Variants in ABHD18 observed in about 807,000 individuals in gnomAD.
ABHD18 encodes abhydrolase domain containing 18, also known as cardiolipin-specific deacylase, mitochondrial.
ABHD18 carries 55 observed loss-of-function variants against 65.9 expected under a neutral mutation model. That is an observed-to-expected ratio of 0.84 (90% CI 0.67 to 1.05). The LOEUF (loss-of-function observed/expected upper bound fraction) is 1.05, where lower values mean the gene tolerates loss of function less well. Among genes scored for constraint, ABHD18 ranks in the 50% least tolerant of loss-of-function variants. The probability of loss-of-function intolerance (pLI) is 0.00; values close to 1 mark genes in which losing one functional copy is unlikely to be tolerated. For synonymous variants in ABHD18, 181 were observed against 180.2 expected (o/e 1.00, Z -0.04); for missense variants, 533 against 558.5 (o/e 0.95, Z 0.46).
At position 128,030,631 on chromosome 4, in the gene ABHD18, G is replaced by A; in HGVS notation, c.1302G>A (p.Gly434=). ...GTTGTGAAATCCGATACTTAGAAGG[G>A]GGTCATATTAGTGCTTATCTTTTTA... The part of the protein sequence containing the change: ...WPGCEIRYLE[G]GHISAYLFKQ... The change falls in exon 12 of 13, where the codon GGG becomes GGA. Residue 434 remains glycine, a synonymous_variant. Coordinates refer to ENST00000645843, the MANE Select transcript of ABHD18 (RefSeq NM_001358451.3). 1.9e-6 allele frequency: 3 copies of A among 1,604,998 alleles called. No individual in the cohort carries two copies. The highest frequency in any genetic ancestry group is 2.5e-6 in the Non-Finnish European group (3 of 1,178,320).
At chr4:127,972,088 G>A in intron 1 of ABHD18, among the ~76,000 whole-genome samples, 1 of 152,092 alleles carries the variant, frequency 6.6e-6, no homozygotes, top group Non-Finnish European at 1.5e-5. Context: ...TATGATTATA[G>A]GTTATTATAA....
At chr4:127,966,575 C>T (rs1351571167) in intron 1 of ABHD18, among the ~76,000 whole-genome samples, 3 of 151,760 alleles carry the variant, frequency 2.0e-5, no homozygotes. Flanking sequence ...TTGAAACGTG[C>T]GGTCTGGGTG....
At chr4:127,974,137 A>T (rs964710301) in intron 1 of ABHD18, among the ~76,000 whole-genome samples, 1 of 143,982 alleles carries the variant, frequency 6.9e-6, no homozygotes, top group Non-Finnish European at 1.5e-5. Flanking sequence ...GCTTCCAACT[A>T]TTTAAATTAT....
In ABHD18 at chr4:127,973,580, T is replaced by A. The variant is rs116417901; in HGVS notation, c.-18+7974T>A. On this transcript the variant is annotated intron_variant, in intron 1 of 12. Transcript: ENST00000645843. The stretch of plus-strand genomic sequence containing the variant: ...TTTTGTGTGATCCCCTTCCTTGAGT[T>A]TGGGCAGAACCCATGATTTGCTTTC... Among the ~76,000 whole-genome samples the A allele has an allele frequency of 1.1e-3, 165 of 152,246 alleles. 1 individual carries two copies. Among genetic ancestry groups the A allele is most frequent in the African/African-American group, 3.9e-3 (161 of 41,544 alleles).
Position 128,039,485 on chromosome 4 carries a change from T to G in ABHD18, c.*3672T>G, listed in dbSNP as rs1457936576. On this transcript the variant is annotated 3_prime_UTR_variant, in exon 13 of 13. Coordinates refer to ENST00000645843, the MANE Select transcript of ABHD18 (RefSeq NM_001358451.3). ...TGAAGACCTCTAAGTTTGAGACCCC[T>G]GATTTAGATCTGTAATTAGAAAAAG... The G allele has an allele frequency of 6.6e-6, 1 of 152,104 alleles. No homozygotes were observed. The highest frequency in any genetic ancestry group is 1.5e-5 in the Non-Finnish European group (1 of 68,024). The allele number at this position is 152,104 out of a possible 1,614,324, so 9.4% of individuals were successfully genotyped here. A position where few individuals can be genotyped will look rare whatever the true frequency, so the allele number is the denominator to read the frequency against.
chr4:128,016,368 T>C (rs1332311565), intron 7 of ABHD18, among the ~76,000 whole-genome samples: 1 of 152,222 alleles, frequency 6.6e-6, no homozygotes, highest in Non-Finnish European at 1.5e-5. Flanking sequence ...TTTTATATTT[T>C]ATTATATTCA....
intron 3 of ABHD18, among the ~76,000 whole-genome samples, chr4:127,987,653 A>G (rs1278881007): frequency 6.6e-6 from 1 of 151,902 alleles, no homozygotes; most frequent in Non-Finnish European, 1.5e-5. Flanking sequence ...CAGAGGTTGC[A>G]GTGAGTCGAG....
intron 2 of ABHD18, among the ~76,000 whole-genome samples, chr4:127,983,890 T>C (rs1749498268): frequency 1.3e-5 from 2 of 151,694 alleles, no homozygotes; most frequent in South Asian, 4.2e-4. Context: ...AATACAAAAA[T>C]TAGCCAGGTG....
chr4:128,026,117 C>T (rs1001057371), intron 10 of ABHD18, among the ~76,000 whole-genome samples: 20 of 152,066 alleles, frequency 1.3e-4, no homozygotes, highest in Non-Finnish European at 2.2e-4. Context: ...GGTGAAACCC[C>T]GTCTCTACTT....
chr4:128,036,351 T>C lies in ABHD18; in HGVS notation c.*538T>C, dbSNP rs560107073. Reference sequence around the variant, plus strand: ...AGTGTTAACTTTGAATTCTAAAATATCCTGATAGCTTCATAGATAAGTGCT... The same window carrying C: ...AGTGTTAACTTTGAATTCTAAAATACCCTGATAGCTTCATAGATAAGTGCT... On this transcript the variant is annotated 3_prime_UTR_variant, in exon 13 of 13. Coordinates refer to ENST00000645843, the MANE Select transcript of ABHD18 (RefSeq NM_001358451.3). The C allele has an allele frequency of 1.3e-5, 2 of 152,238 alleles. No homozygotes were observed. The highest frequency in any genetic ancestry group is 4.8e-5 in the African/African-American group (2 of 41,464). The allele number at this position is 152,238 out of a possible 1,614,324, so 9.4% of individuals were successfully genotyped here.
At chr4:128,035,240 C>T (rs1758755357) in intron 12 of ABHD18, among the ~76,000 whole-genome samples, 1 of 151,988 alleles carries the variant, frequency 6.6e-6, no homozygotes, top group South Asian at 2.1e-4. Flanking sequence ...TTCTAAGGCA[C>T]AAAAAGTGCT....
At chr4:127,988,856 G>T (rs146944334) in intron 3 of ABHD18, among the ~76,000 whole-genome samples, 2 of 152,156 alleles carry the variant, frequency 1.3e-5, no homozygotes, top group Non-Finnish European at 1.5e-5. Flanking sequence ...CCACTGCGGA[G>T]AACAGTATGG....
chr4:127,980,604 A>C lies in ABHD18; in HGVS notation c.-17-2335A>C, dbSNP rs140988384. On this transcript the variant is annotated intron_variant, in intron 1 of 12. Coordinates refer to ENST00000645843, the MANE Select transcript of ABHD18 (RefSeq NM_001358451.3). ...TTTGAGAGGCCAAGGCGGACGGATA[A>C]CCTCAGGTCAGGAGTTCAAGACCAG... 2.7e-3 allele frequency among the ~76,000 whole-genome samples: 405 copies of C among 151,122 alleles called. 4 individuals are homozygous for C. The highest frequency in any genetic ancestry group is 9.3e-3 in the African/African-American group (382 of 41,288).
chr4:127,979,150 G>T, intron 1 of ABHD18, among the ~76,000 whole-genome samples: 1 of 152,186 alleles, frequency 6.6e-6, no homozygotes, highest in Non-Finnish European at 1.5e-5. Context: ...CTGTTAAAAA[G>T]ATGAGGTGGA....
chr4:127,971,317 C>T (rs1192631205), intron 1 of ABHD18, among the ~76,000 whole-genome samples: 1 of 150,516 alleles, frequency 6.6e-6, no homozygotes, highest in East Asian at 1.9e-4. Context: ...TGTTCTATTG[C>T]ACTTTAATAA....
At chr4:128,021,081 TA>T in intron 9 of ABHD18, 55 bp from the exon 10 acceptor site, 2 of 1,058,036 alleles carry the variant, frequency 1.9e-6, no homozygotes, top group Non-Finnish European at 2.8e-6. Flanking sequence ...ATAATAAAAG[TA>T]TTGGGCAAAT....
chr4:128,006,912 G>A (rs1393151898), intron 4 of ABHD18, among the ~76,000 whole-genome samples: 3 of 152,018 alleles, frequency 2.0e-5, no homozygotes, highest in African/African-American at 7.3e-5. Context: ...TAAGGAGACT[G>A]TCTCCAGAAA....
At chr4:128,009,640 A>C (rs1754196595) in intron 6 of ABHD18, 1 of 154,834 alleles carries the variant, frequency 6.5e-6, no homozygotes. Context: ...TGTAGAGTTA[A>C]AACAACAATG....
intron 9 of ABHD18, among the ~76,000 whole-genome samples, 199 bp from the exon 10 acceptor site, chr4:128,020,938 G>A (rs1756392101): frequency 6.6e-6 from 1 of 151,916 alleles, no homozygotes; most frequent in South Asian, 2.1e-4. Context: ...GGAGGCGGAG[G>A]CAGGAGAATT....
Sources: gnomAD v4.1 joint callset for allele counts (sites outside exome capture counted in the v4.1 genomes callset) on GRCh38, gnomAD v4.1.1 for gene constraint, MANE v1.5 for transcripts, NCBI Gene and HGNC (gene_info 2026-07-23, HGNC 2026-07-21) for gene names.